The following SARAF variants were observed in gnomAD, a reference collection of about 807,000 sequenced individuals.
The protein encoded by SARAF is store-operated calcium entry-associated regulatory factor.
In SARAF, 23 loss-of-function variants were observed where a neutral mutation model predicts 39.7. That is an observed-to-expected ratio of 0.58 (90% CI 0.42 to 0.82). The LOEUF (loss-of-function observed/expected upper bound fraction) is 0.82. SARAF is among the 40% of genes least tolerant of loss of function. The pLI is 0.00. For synonymous variants in SARAF, 175 were observed against 168.5 expected, an observed-to-expected ratio of 1.04 and a Z score of -0.30; for missense variants, 384 against 418.5, an observed-to-expected ratio of 0.92 and a Z score of 0.72.
chr8:30,065,261 G>C (rs549201862), intron 5 of SARAF, among the ~76,000 whole-genome samples: 1 of 152,278 alleles, frequency 6.6e-6, no homozygotes, highest in South Asian at 2.1e-4. Flanking sequence ...ATATATCTGA[G>C]AGCAAAACTG....
intron 1 of SARAF, chr8:30,082,110 G>C (rs956071554): frequency 1.3e-5 from 2 of 152,142 alleles, no homozygotes; most frequent in Non-Finnish European, 2.9e-5. Context: ...GGATGAAGGC[G>C]GGTGGATCAC....
At chr8:30,081,594 C>T (rs1485278245) in intron 1 of SARAF, among the ~76,000 whole-genome samples, 1 of 152,208 alleles carries the variant, frequency 6.6e-6, no homozygotes, top group South Asian at 2.1e-4. Context: ...CTCATTTCAG[C>T]ATGTAAGAAT....
rs57293754 is a variant in SARAF at position 30,078,725 on chromosome 8, G to T, written c.103+4122C>A. 4.8e-3 allele frequency among the ~76,000 whole-genome samples: 735 copies of T among 152,260 alleles called. 8 individuals carry two copies. The highest frequency in any genetic ancestry group is 0.017 in the African/African-American group (699 of 41,542). On this transcript the variant is annotated intron_variant, in intron 1 of 5. Coordinates refer to ENST00000256255, the MANE Select transcript of SARAF (RefSeq NM_016127.6). ...CCTATCTATATAAAAAATATATATA[G>T]AGAGAGAGACCTAAATATACTTCCA...
chr8:30,064,355 A>G (rs1315660141), intron 5 of SARAF, among the ~76,000 whole-genome samples: 1 of 151,868 alleles, frequency 6.6e-6, no homozygotes, highest in Non-Finnish European at 1.5e-5. Flanking sequence ...CACACAGGCT[A>G]CAGGATGACA....
chr8:30,065,606 T>C, intron 5 of SARAF: 1 of 210,836 alleles, frequency 4.7e-6, no homozygotes, highest in Non-Finnish European at 9.8e-6. Context: ...AACATTACAA[T>C]CATATTTTTG....
intron 1 of SARAF, among the ~76,000 whole-genome samples, chr8:30,077,843 A>G (rs1563357023): frequency 6.6e-6 from 1 of 151,084 alleles, no homozygotes; most frequent in Non-Finnish European, 1.5e-5. Context: ...GCAAAAAGAT[A>G]GAAAGTAGGA....
chr8:30,064,550 T>C, intron 5 of SARAF, among the ~76,000 whole-genome samples: 1 of 39,966 alleles, frequency 2.5e-5, no homozygotes, highest in Non-Finnish European at 4.8e-5. Context: ...TATATATATA[T>C]ATATATATAT....
Position 30,066,975 on chromosome 8 carries a change from G to A in SARAF, c.701-57C>T. On this transcript the variant is annotated intron_variant, in intron 3 of 5. Coordinates refer to ENST00000256255, the MANE Select transcript of SARAF (RefSeq NM_016127.6). ...CACTTAAACATGACAGTCTACAAAA[G>A]CAAAGATAATGTAACATTTCAATTA... The A allele has an allele frequency of 3.3e-6, 5 of 1,509,140 alleles. No homozygotes were observed. In the South Asian group the frequency reaches 5.8e-5, roughly 17 times the overall value. 93.5% of individuals were successfully genotyped at this position (1,509,140 alleles called of 1,614,324 possible). A position where few individuals can be genotyped will look rare whatever the true frequency, so the allele number is the denominator to read the frequency against.
At chr8:30,075,213 T>C (rs1226736688) in intron 1 of SARAF, among the ~76,000 whole-genome samples, 2 of 150,582 alleles carry the variant, frequency 1.3e-5, no homozygotes, top group Non-Finnish European at 2.9e-5. Flanking sequence ...GGCAGGAGAA[T>C]CGCTTGAACC....
chr8:30,078,628 C>T, intron 1 of SARAF, among the ~76,000 whole-genome samples: 1 of 152,182 alleles, frequency 6.6e-6, no homozygotes, highest in African/African-American at 2.4e-5. Flanking sequence ...GATGTTACAA[C>T]ATCTCCTATG....
At chr8:30,079,910 A>G (rs1802060645) in intron 1 of SARAF, among the ~76,000 whole-genome samples, 2 of 152,226 alleles carry the variant, frequency 1.3e-5, no homozygotes, top group Admixed American at 6.5e-5. Context: ...AGATCAGTCA[A>G]GGGACACAGG....
In SARAF at chr8:30,082,935, G is replaced by C. The variant is rs1367835641; in HGVS notation, c.15C>G (p.Cys5Trp). ...AGCAGTACCCGGCCGCTCCCGGCCCGCAGGCTGCGGCCATGGCGCTCGATG... is the reference window on the plus strand; with the variant it reads ...AGCAGTACCCGGCCGCTCCCGGCCCCCAGGCTGCGGCCATGGCGCTCGATG... MAAA[C>W]GPGAAGYCLL... The change falls in exon 1 of 6, where the codon TGC becomes TGG. Residue 5 changes from cysteine to tryptophan, a missense_variant. Coordinates refer to ENST00000256255, the MANE Select transcript of SARAF (RefSeq NM_016127.6). 1 of 1,545,114 alleles carries C rather than the reference G, an allele frequency of 6.5e-7. No homozygotes were observed.
chr8:30,063,007 G>C lies in SARAF; in HGVS notation c.*881C>G, dbSNP rs548639981. The C allele has an allele frequency of 8.3e-4, 127 of 152,224 alleles. No homozygotes were observed. Among genetic ancestry groups the C allele is most frequent in the Middle Eastern group, 3.4e-3 (1 of 294 alleles). The allele number at this position is 152,224 out of a possible 1,614,324, so 9.4% of individuals were successfully genotyped here. ...TACTGTTTAGGGAGACAGAACTTCT[G>C]CATGAACTTTCCCCTTTGGGAAAAA... On this transcript the variant is annotated 3_prime_UTR_variant, in exon 6 of 6. Coordinates refer to ENST00000256255, the MANE Select transcript of SARAF (RefSeq NM_016127.6).
At chr8:30,081,118 G>A (rs1033180349) in intron 1 of SARAF, among the ~76,000 whole-genome samples, 3 of 152,110 alleles carry the variant, frequency 2.0e-5, no homozygotes, top group Non-Finnish European at 4.4e-5. Flanking sequence ...TAGCCTGGGC[G>A]ACAAGAGTGA....
rs1265107734 is a variant in SARAF, at chr8:30,069,617, T to C, written c.700+25A>G. The C allele has an allele frequency of 1.9e-6, 3 of 1,541,238 alleles. No individual in the cohort carries two copies. The South Asian group carries it at 3.4e-5, about 18-fold the overall frequency. ...GCACTAACCTCACACCCGCTCTATT[T>C]ATGGCCACTGCGAGGGAAACATACC... On this transcript the variant is annotated intron_variant, in intron 3 of 5. Transcript: ENST00000256255.
rs144202303 is a variant in SARAF, at chr8:30,065,783, T to C, written c.994+205A>G. ...AGGTTCAAGTTAAAACCTTGGTCTA[T>C]GGTAGAGCTAAGCCTAAATCAAATC... On this transcript the variant is annotated intron_variant, in intron 5 of 5. Coordinates refer to ENST00000256255, the MANE Select transcript of SARAF (RefSeq NM_016127.6). 245 of 587,116 alleles carry C rather than the reference T, an allele frequency of 4.2e-4. 1 individual carries two copies. The highest frequency in any genetic ancestry group is 5.7e-4 in the East Asian group (17 of 29,750). The allele number at this position is 587,116 out of a possible 1,614,324, so 36.4% of individuals were successfully genotyped here. A position where few individuals can be genotyped will look rare whatever the true frequency, so the allele number is the denominator to read the frequency against.
rs1051210577 is a variant in SARAF, at chr8:30,064,007, T to C, written c.995-94A>G. Reference sequence around the variant, plus strand: ...GTCATACATGTTTATTGTCAGCAAATGAATGAGATAGGAGGAAAGGAAAGA... The same window carrying C: ...GTCATACATGTTTATTGTCAGCAAACGAATGAGATAGGAGGAAAGGAAAGA... On this transcript the variant is annotated intron_variant, in intron 5 of 5. Transcript: ENST00000256255. 2.7e-6 allele frequency: 3 copies of C among 1,111,586 alleles called. No individual in the cohort carries two copies. The African/African-American group carries it at 4.7e-5, about 17-fold the overall frequency. 68.9% of individuals were successfully genotyped at this position (1,111,586 alleles called of 1,614,324 possible).
intron 1 of SARAF, among the ~76,000 whole-genome samples, chr8:30,080,533 T>G (rs1280120402): frequency 6.6e-6 from 1 of 152,214 alleles, no homozygotes; most frequent in African/African-American, 2.4e-5. Flanking sequence ...GTTATTTACA[T>G]GTTTATCTGT....
chr8:30,066,227 AT>A (rs1801690299), intron 4 of SARAF, 88 bp from the exon 5 acceptor site: 2 of 1,320,348 alleles, frequency 1.5e-6, no homozygotes, highest in Non-Finnish European at 1.0e-6. Context: ...TCAGAAAAAA[AT>A]ATCTTTATCA....
Sources: gnomAD v4.1 joint callset for allele counts (sites outside exome capture counted in the v4.1 genomes callset) on GRCh38, gnomAD v4.1.1 for gene constraint, MANE v1.5 for transcripts, NCBI Gene and HGNC (gene_info 2026-07-23, HGNC 2026-07-21) for gene names.